The following AP4E1 variants were observed in gnomAD, a reference collection of about 807,000 sequenced individuals.
The protein encoded by AP4E1 is adaptor related protein complex 4 subunit epsilon 1.
A neutral mutation model predicts 128.2 loss-of-function variants in AP4E1; 56 were observed. That is an observed-to-expected ratio of 0.44 (90% CI 0.35 to 0.55). The LOEUF (loss-of-function observed/expected upper bound fraction) is 0.55, where lower values mean the gene tolerates loss of function less well. Ranked by LOEUF, AP4E1 falls within the 20% of genes least tolerant of loss-of-function variation. AP4E1 has a pLI of 0.00. For synonymous variants in AP4E1, 484 were observed against 473.1 expected, an observed-to-expected ratio of 1.02 and a Z score of -0.30; for missense variants, 1,324 against 1,307.7, an observed-to-expected ratio of 1.01 and a Z score of -0.19.
intron 3 of AP4E1, 27 bp downstream of exon 3, chr15:50,915,598 G>A (rs1567207721): frequency 6.2e-7 from 1 of 1,612,380 alleles, no homozygotes; most frequent in Non-Finnish European, 8.5e-7. Flanking sequence ...AGACTTTGAT[G>A]CTTTCATGTT....
chr15:50,977,706 G>GTTTTTT lies in AP4E1; in HGVS notation c.1967-6301_1967-6296dup, dbSNP rs1401774266. 7.4e-4 allele frequency among the ~76,000 whole-genome samples: 59 copies of GTTTTTT among 80,218 alleles called. 5 individuals are homozygous for GTTTTTT. The highest frequency in any genetic ancestry group is 1.7e-3 in the East Asian group (4 of 2,304). 52.6% of individuals were successfully genotyped at this position (80,218 alleles called of 152,430 possible). ...ATCTTTTAATTATCAATCTGTTATG[G>GTTTTTT]TTTTTTTTTTTTTTTTTTTTAGACA... is the stretch of plus-strand genomic sequence containing the variant. On this transcript the variant is annotated intron_variant, in intron 15 of 20. Transcript: ENST00000261842.
At chr15:50,917,422 T>C (rs2063643168) in intron 3 of AP4E1, among the ~76,000 whole-genome samples, 1 of 152,212 alleles carries the variant, frequency 6.6e-6, no homozygotes, top group Non-Finnish European at 1.5e-5. Flanking sequence ...TTCTAATCTT[T>C]CCCTTCAACT....
In AP4E1 at chr15:50,995,769, C is replaced by G. The variant is rs148812114; in HGVS notation, c.2347-1557C>G. On this transcript the variant is annotated intron_variant, in intron 17 of 20. Transcript: ENST00000261842. ...TTCAAGCATTTTAACAAAGATGTCA[C>G]TACGGTGTCTTCTGGCATGTATAGC... Among the ~76,000 whole-genome samples the G allele has an allele frequency of 2.1e-4, 32 of 151,902 alleles. 1 individual carries two copies. The highest frequency in any genetic ancestry group is 7.2e-4 in the African/African-American group (30 of 41,436).
intron 16 of AP4E1, among the ~76,000 whole-genome samples, chr15:50,989,431 T>C (rs1268811369): frequency 6.6e-6 from 1 of 152,070 alleles, no homozygotes; most frequent in African/African-American, 2.4e-5. Context: ...TAATAGATCA[T>C]GAGGAATGTA....
In AP4E1 at chr15:50,993,537, T is replaced by A. The variant is rs757157711; in HGVS notation, c.2258T>A (p.Val753Asp). 4 of 1,614,008 alleles carry A rather than the reference T, an allele frequency of 2.5e-6. No homozygotes were observed. The highest frequency in any genetic ancestry group is 3.4e-6 in the Non-Finnish European group (4 of 1,179,958). The stretch of plus-strand genomic sequence containing the variant: ...ATAACTAAAAAGGATCAATCTCAAG[T>A]TCTTACCCAATCTAAAGAGGAGAAA... Reference protein sequence around the residue: ...QAITKKDQSQVLTQSKEEKEK... With the variant: ...QAITKKDQSQDLTQSKEEKEK... Residue 753 changes from valine to aspartate, a missense_variant, in exon 17 of 21, where the codon GTT becomes GAT. Coordinates refer to ENST00000261842, the MANE Select transcript of AP4E1 (RefSeq NM_007347.5).
intron 14 of AP4E1, among the ~76,000 whole-genome samples, chr15:50,960,077 C>T (rs1359774511): frequency 6.6e-6 from 1 of 152,130 alleles, no homozygotes; most frequent in African/African-American, 2.4e-5. Flanking sequence ...GGGCATATAA[C>T]ATTTGTAAAT....
intron 15 of AP4E1, among the ~76,000 whole-genome samples, chr15:50,970,316 C>A (rs934517491): frequency 6.6e-6 from 1 of 152,158 alleles, no homozygotes; most frequent in East Asian, 1.9e-4. Context: ...GTATATAATA[C>A]CACATCATTT....
At chr15:50,909,224 T>C (rs749749187) in intron 1 of AP4E1, among the ~76,000 whole-genome samples, 9 of 152,280 alleles carry the variant, frequency 5.9e-5, no homozygotes, top group Non-Finnish European at 1.2e-4. Flanking sequence ...GGAAAAGTAC[T>C]GATACATAAT....
At position 50,908,821 on chromosome 15, in the gene AP4E1, C is replaced by T; in HGVS notation, c.43C>T (p.Leu15Phe). 1 of 1,605,812 alleles carries T rather than the reference C, an allele frequency of 6.2e-7. No individual in the cohort carries two copies. The highest frequency in any genetic ancestry group is 8.5e-7 in the Non-Finnish European group (1 of 1,177,424). ...VEKTLTALPG[L>F]FLQNQPGGGP... Reference sequence around the variant, plus strand: ...GAAGACGCTGACGGCGCTGCCGGGACTCTTTCTGCAGAACCAGCCCGGTGG... The same window carrying T: ...GAAGACGCTGACGGCGCTGCCGGGATTCTTTCTGCAGAACCAGCCCGGTGG... The change falls in exon 1 of 21, where the codon CTC (leucine) becomes TTC (phenylalanine). Residue 15 changes from leucine (L) to phenylalanine (F), a missense_variant. Physicochemically the swap from Leu to Phe is conservative, Grantham distance 22. Transcript: ENST00000261842.
chr15:50,938,368 A>G (rs1306017409), intron 8 of AP4E1, among the ~76,000 whole-genome samples: 7 of 152,192 alleles, frequency 4.6e-5, no homozygotes, highest in Admixed American at 4.6e-4. Flanking sequence ...TTCCAAGCAT[A>G]GGAAAAAACT....
At chr15:50,912,044 T>G (rs769506711) in intron 1 of AP4E1, 34 bp from the exon 2 acceptor site, 21 of 1,505,164 alleles carry the variant, frequency 1.4e-5, no homozygotes, top group Middle Eastern at 3.4e-4. Context: ...TAAAAGACAG[T>G]TAATCAAGCA....
In AP4E1 at chr15:50,994,871, T is replaced by C. The variant is rs1034177494; in HGVS notation, c.2346+1246T>C. The stretch of plus-strand genomic sequence containing the variant: ...TAGATTTTTTGTGGTGAGTTTGAAA[T>C]CGGAAATATTATTAGGATGTTTTTT... On this transcript the variant is annotated intron_variant, in intron 17 of 20. Coordinates refer to ENST00000261842, the MANE Select transcript of AP4E1 (RefSeq NM_007347.5). 2.6e-5 allele frequency among the ~76,000 whole-genome samples: 4 copies of C among 152,192 alleles called. No individual in the cohort carries two copies. The East Asian group carries it at 7.7e-4, about 29-fold the overall frequency.
chr15:50,933,573 T>A (rs547069407), intron 7 of AP4E1, among the ~76,000 whole-genome samples: 2,076 of 152,194 alleles, frequency 0.014, 52 homozygotes, highest in African/African-American at 0.048. Flanking sequence ...ATTACCAATT[T>A]TTTTTGGGGG....
At chr15:50,968,126 G>C (rs189477885) in intron 14 of AP4E1, 137 bp from the exon 15 acceptor site, 6 of 637,902 alleles carry the variant, frequency 9.4e-6, no homozygotes, top group Admixed American at 2.7e-5. Context: ...GGCTGTGGTA[G>C]CATTTTTAGA....
At chr15:50,967,870 T>C (rs1020724329) in intron 14 of AP4E1, among the ~76,000 whole-genome samples, 39 of 152,364 alleles carry the variant, frequency 2.6e-4, no homozygotes, top group African/African-American at 8.7e-4. Context: ...TGAAGTACAG[T>C]GGCACAGTCT....
At chr15:50,938,814 T>A (rs2063944859) in intron 8 of AP4E1, among the ~76,000 whole-genome samples, 1 of 151,992 alleles carries the variant, frequency 6.6e-6, no homozygotes, top group Admixed American at 6.6e-5. Context: ...CCTCCAACAA[T>A]AACCAGGAGC....
chr15:50,962,685 T>A (rs2064331745), intron 14 of AP4E1, among the ~76,000 whole-genome samples: 1 of 151,802 alleles, frequency 6.6e-6, no homozygotes, highest in Non-Finnish European at 1.5e-5. Flanking sequence ...TTTAGGACAT[T>A]GGTCGAGGCA....
intron 15 of AP4E1, among the ~76,000 whole-genome samples, chr15:50,976,228 T>C (rs1263809827): frequency 6.6e-6 from 1 of 152,066 alleles, no homozygotes; most frequent in Non-Finnish European, 1.5e-5. Context: ...TGGTTCAACA[T>C]CTGAAAATAA....
chr15:50,961,297 A>C (rs189606878), intron 14 of AP4E1, among the ~76,000 whole-genome samples: 1 of 152,098 alleles, frequency 6.6e-6, no homozygotes, highest in South Asian at 2.1e-4. Context: ...AGACAAGGAC[A>C]CAACAACAAT....
Sources: gnomAD v4.1 joint callset for allele counts (sites outside exome capture counted in the v4.1 genomes callset) on GRCh38, gnomAD v4.1.1 for gene constraint, MANE v1.5 for transcripts, NCBI Gene and HGNC (gene_info 2026-07-23, HGNC 2026-07-21) for gene names.